The following DLGAP5 variants were observed in gnomAD, a reference collection of about 807,000 sequenced individuals.
DLGAP5 encodes the protein DLG associated protein 5.
DLGAP5 carries 90 observed loss-of-function variants against 99.6 expected under a neutral mutation model. The observed-to-expected ratio is 0.90, with a 90% CI of 0.76 to 1.08. The LOEUF (loss-of-function observed/expected upper bound fraction) is 1.08. DLGAP5 is among the 50% of genes least tolerant of loss of function. DLGAP5 has a pLI of 0.00. For synonymous variants in DLGAP5, 311 were observed against 321.3 expected (o/e 0.97, Z 0.34); for missense variants, 1,036 against 983.5 (o/e 1.05, Z -0.71).
In DLGAP5 at chr14:55,172,951, C is replaced by T. The variant is rs376058299; in HGVS notation, c.1302-2164G>A. ...GAGCCAAGATCGCGCCATTGCACTC[C>T]GGCCTGGGCAACAGAGCGAGACTCC... On this transcript the variant is annotated intron_variant, in intron 10 of 18. Transcript: ENST00000247191. Among the ~76,000 whole-genome samples the T allele has an allele frequency of 5.0e-3, 654 of 131,724 alleles. 3 individuals are homozygous for T. Among genetic ancestry groups the T allele is most frequent in the African/African-American group, 0.015 (537 of 35,256 alleles). 86.4% of individuals were successfully genotyped at this position (131,724 alleles called of 152,430 possible).
intron 3 of DLGAP5, 64 bp downstream of exon 3, chr14:55,183,496 T>G: frequency 7.2e-7 from 1 of 1,382,788 alleles, no homozygotes; most frequent in Non-Finnish European, 9.6e-7. Flanking sequence ...GTTAGTCACT[T>G]AATGTCTTGA....
intron 13 of DLGAP5, among the ~76,000 whole-genome samples, chr14:55,160,991 A>T (rs1437517905): frequency 6.6e-6 from 1 of 152,182 alleles, no homozygotes; most frequent in Non-Finnish European, 1.5e-5. Context: ...GTTTTAATGT[A>T]AACAATGATA....
At chr14:55,177,941 T>C (rs1326563478) in intron 7 of DLGAP5, among the ~76,000 whole-genome samples, 1 of 152,164 alleles carries the variant, frequency 6.6e-6, no homozygotes, top group South Asian at 2.1e-4. Context: ...CAAATACGTA[T>C]CTTTTTACTT....
At chr14:55,167,847 A>G (rs895844645) in intron 12 of DLGAP5, among the ~76,000 whole-genome samples, 1 of 152,102 alleles carries the variant, frequency 6.6e-6, no homozygotes, top group Non-Finnish European at 1.5e-5. Flanking sequence ...CTTTGTATAA[A>G]ATTTGTTTTC....
chr14:55,179,214 T>G (rs1883192120), intron 7 of DLGAP5, among the ~76,000 whole-genome samples: 1 of 151,888 alleles, frequency 6.6e-6, no homozygotes, highest in South Asian at 2.1e-4. Context: ...TATTCCATGT[T>G]AGGAATAAGA....
In DLGAP5 at chr14:55,170,627, A is replaced by G. The variant is rs1882824552; in HGVS notation, c.1387+75T>C. On this transcript the variant is annotated intron_variant, in intron 11 of 18. Coordinates refer to ENST00000247191, the MANE Select transcript of DLGAP5 (RefSeq NM_014750.5). ...TGAAACAATAAAGTTAGGCAATGCT[A>G]TATTTTTATGTTTCAGATAAACGTA... 7.7e-6 allele frequency: 10 copies of G among 1,293,836 alleles called. No homozygotes were observed. In the East Asian group the frequency reaches 2.1e-4, roughly 27 times the overall value. 80.1% of individuals were successfully genotyped at this position (1,293,836 alleles called of 1,614,324 possible). A position where few individuals can be genotyped will look rare whatever the true frequency, so the allele number is the denominator to read the frequency against.
At chr14:55,176,556 A>T (rs1471799500) in intron 8 of DLGAP5, among the ~76,000 whole-genome samples, 1 of 152,234 alleles carries the variant, frequency 6.6e-6, no homozygotes, top group African/African-American at 2.4e-5. Flanking sequence ...AACAATGCAT[A>T]GGAAATATAA....
intron 7 of DLGAP5, among the ~76,000 whole-genome samples, chr14:55,178,161 A>C (rs1594680107): frequency 6.6e-6 from 1 of 151,900 alleles, no homozygotes; most frequent in African/African-American, 2.4e-5. Context: ...CTGAGGCAGG[A>C]GAATGGTGAG....
In DLGAP5 at chr14:55,181,140, C is replaced by A. The variant is rs1472963601; in HGVS notation, c.580+73G>T. ...AAACAAACGAACAAATTCCAGTTGA[C>A]CTTCAAGACACTTAAAAAAAATTAT... is the stretch of plus-strand genomic sequence containing the variant. On this transcript the variant is annotated intron_variant, in intron 5 of 18. Coordinates refer to ENST00000247191, the MANE Select transcript of DLGAP5 (RefSeq NM_014750.5). 7.3e-6 allele frequency: 10 copies of A among 1,369,696 alleles called. 1 individual carries two copies. In the Admixed American group the frequency reaches 1.8e-4, roughly 25 times the overall value. 84.8% of individuals were successfully genotyped at this position (1,369,696 alleles called of 1,614,324 possible).
At chr14:55,171,284 G>A (rs1882848807) in intron 10 of DLGAP5, among the ~76,000 whole-genome samples, 1 of 152,116 alleles carries the variant, frequency 6.6e-6, no homozygotes, top group South Asian at 2.1e-4. Flanking sequence ...CCATTCTAGG[G>A]AACATTTGGT....
chr14:55,153,981 A>G lies in DLGAP5; in HGVS notation c.2063+636T>C, dbSNP rs138695574. Among the ~76,000 whole-genome samples the G allele has an allele frequency of 7.0e-4, 106 of 152,042 alleles. No individual in the cohort carries two copies. In the East Asian group the frequency reaches 0.019, roughly 28 times the overall value. On this transcript the variant is annotated intron_variant, in intron 15 of 18. Coordinates refer to ENST00000247191, the MANE Select transcript of DLGAP5 (RefSeq NM_014750.5). ...TGAGGCAGAAGAATCGCTTGAACCC[A>G]GGAGGCAGAGGTTGCAGTAAGCCGA...
At chr14:55,157,680 A>G (rs1409544682) in intron 14 of DLGAP5, among the ~76,000 whole-genome samples, 1 of 152,254 alleles carries the variant, frequency 6.6e-6, no homozygotes, top group African/African-American at 2.4e-5. Context: ...AAATTGGAAA[A>G]TTAGTACGTT....
intron 17 of DLGAP5, among the ~76,000 whole-genome samples, 195 bp from the exon 18 acceptor site, chr14:55,151,043 G>A (rs536451157): frequency 3.9e-5 from 6 of 152,280 alleles, no homozygotes. Flanking sequence ...GCAGACTTCT[G>A]TAAACAAATC....
At chr14:55,175,188 T>C (rs1435649112) in intron 10 of DLGAP5, among the ~76,000 whole-genome samples, 158 bp downstream of exon 10, 1 of 152,198 alleles carries the variant, frequency 6.6e-6, no homozygotes, top group African/African-American at 2.4e-5. Flanking sequence ...AGGAACCACA[T>C]GAATGTACTA....
Position 55,179,622 on chromosome 14 carries a change from T to A in DLGAP5, c.774+7A>T. ...CATCTAGAATTAAAAAGATGTTTAT[T>A]CTCTACCTTGTCGGGTTTTGTTTCT... On this transcript the variant is annotated splice_region_variant and intron_variant, in intron 7 of 18. Coordinates refer to ENST00000247191, the MANE Select transcript of DLGAP5 (RefSeq NM_014750.5). 1 of 1,607,412 alleles carries A rather than the reference T, an allele frequency of 6.2e-7. No individual in the cohort carries two copies. The highest frequency in any genetic ancestry group is 8.5e-7 in the Non-Finnish European group (1 of 1,176,590).
Position 55,148,175 on chromosome 14 carries a change from A to G in DLGAP5, c.*176T>C. Reference sequence around the variant, plus strand: ...ATTCTGTGTTGAAAATGTACAAAATATCCCCACTTCCCTTGAGAAAGAGTA... The same window carrying G: ...ATTCTGTGTTGAAAATGTACAAAATGTCCCCACTTCCCTTGAGAAAGAGTA... On this transcript the variant is annotated 3_prime_UTR_variant, in exon 19 of 19. Coordinates refer to ENST00000247191, the MANE Select transcript of DLGAP5 (RefSeq NM_014750.5). 1 of 649,638 alleles carries G rather than the reference A, an allele frequency of 1.5e-6. No individual in the cohort carries two copies. The highest frequency in any genetic ancestry group is 2.5e-6 in the Non-Finnish European group (1 of 400,540). The allele number at this position is 649,638 out of a possible 1,614,324, so 40.2% of individuals were successfully genotyped here. A position where few individuals can be genotyped will look rare whatever the true frequency, so the allele number is the denominator to read the frequency against.
At chr14:55,172,350 A>G (rs1365514716) in intron 10 of DLGAP5, among the ~76,000 whole-genome samples, 1 of 151,902 alleles carries the variant, frequency 6.6e-6, no homozygotes, top group Admixed American at 6.6e-5. Context: ...CAAAAAAAAA[A>G]AAAAGTATTT....
Position 55,175,254 on chromosome 14 carries a change from C to T in DLGAP5, c.1301+92G>A, listed in dbSNP as rs571045709. On this transcript the variant is annotated intron_variant, in intron 10 of 18. Transcript: ENST00000247191. ...TGAAAATCACCTAACACCAGTTTTC[C>T]CCCACTATATTAAGGTTAAAAATTT... The T allele has an allele frequency of 7.1e-6, 8 of 1,122,330 alleles. No individual in the cohort carries two copies. In the African/African-American group the frequency reaches 1.1e-4, roughly 16 times the overall value. The allele number at this position is 1,122,330 out of a possible 1,614,324, so 69.5% of individuals were successfully genotyped here.
chr14:55,162,735 A>G (rs1271382468), intron 13 of DLGAP5, among the ~76,000 whole-genome samples: 2 of 152,188 alleles, frequency 1.3e-5, no homozygotes, highest in Admixed American at 1.3e-4. Context: ...TTCTCTCTAG[A>G]CATAACTATC....
Sources: allele counts gnomAD v4.1 joint callset (sites outside exome capture counted in the v4.1 genomes callset), GRCh38; gene constraint gnomAD v4.1.1; transcripts MANE v1.5; gene names NCBI Gene and HGNC (gene_info 2026-07-23, HGNC 2026-07-21).